PEX26: variants seen among roughly 807,000 people sequenced by gnomAD.
PEX26 encodes peroxisome assembly protein 26.
PEX26 carries 18 observed loss-of-function variants against 31.4 expected under a neutral mutation model. The observed-to-expected ratio is 0.57, with a 90% CI of 0.40 to 0.85. The LOEUF (loss-of-function observed/expected upper bound fraction) is 0.85, where lower values mean the gene tolerates loss of function less well. Among genes scored for constraint, PEX26 ranks in the 40% least tolerant of loss-of-function variants. The pLI is 0.00. For missense variants in PEX26, 377 were observed against 383.9 expected, an observed-to-expected ratio of 0.98 and a Z score of 0.15; for synonymous variants, 176 against 166.9, an observed-to-expected ratio of 1.05 and a Z score of -0.42.
At chr22:18,087,859 A>T (rs1381483782) in intron 4 of PEX26, 113 bp from the exon 5 acceptor site, 1 of 796,106 alleles carries the variant, frequency 1.3e-6, no homozygotes, top group East Asian at 2.4e-5. Context: ...TCTAAAAAAA[A>T]CAAAACAAAA....
rs923444224 is a variant in PEX26 at position 18,095,793 on chromosome 22, AGTGTGG to A, written c.*7721_*7726del. The A allele has an allele frequency of 2.0e-5, 3 of 149,958 alleles. No homozygotes were observed. Among genetic ancestry groups the A allele is most frequent in the African/African-American group, 7.4e-5 (3 of 40,568 alleles). 9.3% of individuals were successfully genotyped at this position (149,958 alleles called of 1,614,324 possible). A position where few individuals can be genotyped will look rare whatever the true frequency, so the allele number is the denominator to read the frequency against. On this transcript the variant is annotated 3_prime_UTR_variant, in exon 5 of 5. Coordinates refer to ENST00000399744, the MANE Select transcript of PEX26 (RefSeq NM_001127649.3). ...GAGACATCATGGGATTGTGGTTAAG[AGTGTGG>A]GTCCCAGACCCATAATGCCCAAGTT...
At position 18,078,326 on chromosome 22, in the gene PEX26, G is replaced by T; in HGVS notation, c.-51G>T. The T allele has an allele frequency of 1.5e-6, 2 of 1,338,948 alleles. No individual in the cohort carries two copies. The highest frequency in any genetic ancestry group is 2.4e-5 in the East Asian group (1 of 42,192). The allele number at this position is 1,338,948 out of a possible 1,614,324, so 82.9% of individuals were successfully genotyped here. A position where few individuals can be genotyped will look rare whatever the true frequency, so the allele number is the denominator to read the frequency against. Reference sequence around the variant, plus strand: ...CTCGGGATATCCCGGAGCCTCTGGGGAGGCGGTCACTCCGACGTCTGAGGA... The same window carrying T: ...CTCGGGATATCCCGGAGCCTCTGGGTAGGCGGTCACTCCGACGTCTGAGGA... On this transcript the variant is annotated 5_prime_UTR_variant, in exon 1 of 5. Transcript: ENST00000399744.
chr22:18,081,777 A>G (rs1926622313), intron 2 of PEX26: 1 of 154,512 alleles, frequency 6.5e-6, no homozygotes, highest in Non-Finnish European at 1.4e-5. Context: ...TGAATTTTTT[A>G]AAGGAACCTG....
At position 18,083,746 on chromosome 22, in the gene PEX26, C is replaced by T. The variant is rs761172461; in HGVS notation, c.667+14C>T. On this transcript the variant is annotated intron_variant, in intron 3 of 4. Coordinates refer to ENST00000399744, the MANE Select transcript of PEX26 (RefSeq NM_001127649.3). Reference sequence around the variant, plus strand: ...CAAACCTGGAAGGTAGGACATTATCCCTCTGCGACCTCTGTAAAGTGGACT... The same window carrying T: ...CAAACCTGGAAGGTAGGACATTATCTCTCTGCGACCTCTGTAAAGTGGACT... The T allele has an allele frequency of 8.7e-6, 14 of 1,612,466 alleles. No individual in the cohort carries two copies. Among genetic ancestry groups the T allele is most frequent in the Non-Finnish European group, 1.1e-5 (13 of 1,179,366 alleles).
intron 4 of PEX26, among the ~76,000 whole-genome samples, chr22:18,087,492 C>T (rs1027927168): frequency 1.1e-4 from 17 of 152,338 alleles, no homozygotes; most frequent in East Asian, 1.9e-4. Context: ...AGTTAGCGCT[C>T]GGAATGCTCA....
intron 1 of PEX26, 79 bp downstream of exon 1, chr22:18,078,685 C>A: frequency 7.9e-7 from 1 of 1,273,220 alleles, no homozygotes; most frequent in Non-Finnish European, 1.1e-6. Flanking sequence ...TTCTGTCCTT[C>A]CCAGATTGCC....
chr22:18,078,014 G>C lies in PEX26; in HGVS notation c.-363G>C, dbSNP rs138787474. Reference sequence around the variant, plus strand: ...CGCGCGGCTGCGGGGCTGGGCGAGCGCAAAGATGTCCGCGCCCGCTGCCGG... The same window carrying C: ...CGCGCGGCTGCGGGGCTGGGCGAGCCCAAAGATGTCCGCGCCCGCTGCCGG... On this transcript the variant is annotated 5_prime_UTR_variant, in exon 1 of 5. Coordinates refer to ENST00000399744, the MANE Select transcript of PEX26 (RefSeq NM_001127649.3). 6.9e-3 allele frequency: 3,225 copies of C among 465,018 alleles called. 74 individuals carry two copies. The highest frequency in any genetic ancestry group is 0.056 in the African/African-American group (2,852 of 50,544). The allele number at this position is 465,018 out of a possible 1,614,324, so 28.8% of individuals were successfully genotyped here.
In PEX26 at chr22:18,103,445, T is replaced by C. The variant is rs538535138; in HGVS notation, c.*15370T>C. Reference sequence around the variant, plus strand: ...TCTACTTCAATAATATGTACAAATATTATTTATCAAAAAGCAGGCATGTAG... The same window carrying C: ...TCTACTTCAATAATATGTACAAATACTATTTATCAAAAAGCAGGCATGTAG... On this transcript the variant is annotated 3_prime_UTR_variant, in exon 5 of 5. Transcript: ENST00000399744. 1 of 152,174 alleles carries C rather than the reference T, an allele frequency of 6.6e-6. No homozygotes were observed. The highest frequency in any genetic ancestry group is 1.5e-5 in the Non-Finnish European group (1 of 68,040). The allele number at this position is 152,174 out of a possible 1,614,324, so 9.4% of individuals were successfully genotyped here. A position where few individuals can be genotyped will look rare whatever the true frequency, so the allele number is the denominator to read the frequency against.
rs979219730 is a variant in PEX26 at position 18,087,866 on chromosome 22, A to C, written c.815-106A>C. On this transcript the variant is annotated intron_variant, in intron 4 of 4. Transcript: ENST00000399744. The stretch of plus-strand genomic sequence containing the variant: ...ACCCTGTCTCTAAAAAAAACAAAAC[A>C]AAACCAACTATGTGTAATTGGTAGT... 13 of 819,848 alleles carry C rather than the reference A, an allele frequency of 1.6e-5. No homozygotes were observed. The East Asian group carries it at 2.9e-4, about 18-fold the overall frequency. The allele number at this position is 819,848 out of a possible 1,614,324, so 50.8% of individuals were successfully genotyped here.
At position 18,098,238 on chromosome 22, in the gene PEX26, A is replaced by G. The variant is rs1927352908; in HGVS notation, c.*10163A>G. 6.6e-6 allele frequency: 1 copy of G among 151,882 alleles called. No homozygotes were observed. Among genetic ancestry groups the G allele is most frequent in the African/African-American group, 2.4e-5 (1 of 41,346 alleles). The allele number at this position is 151,882 out of a possible 1,614,324, so 9.4% of individuals were successfully genotyped here. A position where few individuals can be genotyped will look rare whatever the true frequency, so the allele number is the denominator to read the frequency against. On this transcript the variant is annotated 3_prime_UTR_variant, in exon 5 of 5. Coordinates refer to ENST00000399744, the MANE Select transcript of PEX26 (RefSeq NM_001127649.3). ...ACATACACACACAAAAAAAGTATAAATATATAGCTTTCTAGATATAGGATT... is the reference window on the plus strand; with the variant it reads ...ACATACACACACAAAAAAAGTATAAGTATATAGCTTTCTAGATATAGGATT...
chr22:18,078,875 A>G, intron 1 of PEX26: 1 of 642,244 alleles, frequency 1.6e-6, no homozygotes, highest in East Asian at 2.9e-5. Context: ...CTGAATGTGT[A>G]TTAAGTGCTA....
At chr22:18,084,237 CTTTTTT>C (rs362041) in intron 3 of PEX26, among the ~76,000 whole-genome samples, 1 of 95,318 alleles carries the variant, frequency 1.0e-5, no homozygotes, top group African/African-American at 3.9e-5. Flanking sequence ...ATCTCTCTCT[CTTTTTT>C]TTTTTTTTTT....
intron 2 of PEX26, among the ~76,000 whole-genome samples, chr22:18,083,006 G>A (rs71328255): frequency 0.012 from 1,832 of 152,272 alleles, 29 homozygotes; most frequent in South Asian, 0.083. Flanking sequence ...TCACTGTCAC[G>A]TATAGAAACG....
chr22:18,079,584 C>T (rs1479235654), intron 1 of PEX26, among the ~76,000 whole-genome samples: 1 of 152,182 alleles, frequency 6.6e-6, no homozygotes, highest in Non-Finnish European at 1.5e-5. Context: ...TGTGTTATTT[C>T]CCCCTCAGGA....
rs905337330 is a variant in PEX26 at position 18,090,003 on chromosome 22, A to C, written c.*1928A>C. On this transcript the variant is annotated 3_prime_UTR_variant, in exon 5 of 5. Transcript: ENST00000399744. ...AGGTGTGAGCCATCGCGCCCGGCCA[A>C]CTTTTCTTTAGAAAAATGAGTAAAG... 6.6e-6 allele frequency: 1 copy of C among 152,182 alleles called. No individual in the cohort carries two copies. Among genetic ancestry groups the C allele is most frequent in the Admixed American group, 6.5e-5 (1 of 15,276 alleles). The allele number at this position is 152,182 out of a possible 1,614,324, so 9.4% of individuals were successfully genotyped here.
intron 1 of PEX26, chr22:18,079,163 CT>C: frequency 1.0e-6 from 1 of 976,204 alleles, no homozygotes; most frequent in African/African-American, 1.7e-5. Context: ...AATGAGCCCT[CT>C]TCTCTACCAA....
Position 18,100,566 on chromosome 22 carries a change from A to C in PEX26, c.*12491A>C, listed in dbSNP as rs1203903336. 1 of 152,232 alleles carries C rather than the reference A, an allele frequency of 6.6e-6. No individual in the cohort carries two copies. Among genetic ancestry groups the C allele is most frequent in the Non-Finnish European group, 1.5e-5 (1 of 68,044 alleles). 9.4% of individuals were successfully genotyped at this position (152,232 alleles called of 1,614,324 possible). On this transcript the variant is annotated 3_prime_UTR_variant, in exon 5 of 5. Coordinates refer to ENST00000399744, the MANE Select transcript of PEX26 (RefSeq NM_001127649.3). ...TTAAAACCAGAATAACCAAGTGAAA[A>C]GTCAGTACAGATTCTCACTTCTACT...
rs1288745829 is a variant in PEX26, at chr22:18,092,145, C to T, written c.*4070C>T. 2.6e-5 allele frequency: 4 copies of T among 152,312 alleles called. No homozygotes were observed. Among genetic ancestry groups the T allele is most frequent in the African/African-American group, 9.6e-5 (4 of 41,470 alleles). 9.4% of individuals were successfully genotyped at this position (152,312 alleles called of 1,614,324 possible). A position where few individuals can be genotyped will look rare whatever the true frequency, so the allele number is the denominator to read the frequency against. ...CTCCCAGCACGGAAAAGCCGTGGGGCCGATGGACTTTGGCCTCACATCCAC... is the reference window on the plus strand; with the variant it reads ...CTCCCAGCACGGAAAAGCCGTGGGGTCGATGGACTTTGGCCTCACATCCAC... On this transcript the variant is annotated 3_prime_UTR_variant, in exon 5 of 5. Transcript: ENST00000399744.
In PEX26 at chr22:18,080,017, A is replaced by T. The variant is rs1190177601; in HGVS notation, c.371+3A>T. On this transcript the variant is annotated splice_donor_region_variant and intron_variant, in intron 2 of 4. Coordinates refer to ENST00000399744, the MANE Select transcript of PEX26 (RefSeq NM_001127649.3). The stretch of plus-strand genomic sequence containing the variant: ...CCCCCCAAAGTCCTGGAGCTGTGGT[A>T]AGTCTTCTTTGCTGACTCATCAGAT... 3 of 1,613,972 alleles carry T rather than the reference A, an allele frequency of 1.9e-6. No individual in the cohort carries two copies. Among genetic ancestry groups the T allele is most frequent in the Non-Finnish European group, 2.5e-6 (3 of 1,180,008 alleles).
Sources: gnomAD v4.1 joint callset for allele counts (sites outside exome capture counted in the v4.1 genomes callset) on GRCh38, gnomAD v4.1.1 for gene constraint, MANE v1.5 for transcripts, NCBI Gene and HGNC (gene_info 2026-07-23, HGNC 2026-07-21) for gene names.